The following GRIN2B variants were observed in gnomAD, a reference collection of about 807,000 sequenced individuals.
GRIN2B encodes the protein glutamate receptor ionotropic, NMDA 2B.
A neutral mutation model predicts 114.5 loss-of-function variants in GRIN2B; 5 were observed. That is an observed-to-expected ratio of 0.04 (90% confidence interval 0.02 to 0.09). The LOEUF (loss-of-function observed/expected upper bound fraction) is 0.09. GRIN2B is among the 10% of genes least tolerant of loss of function. The probability of loss-of-function intolerance (pLI) is 1.00; values close to 1 mark genes in which losing one functional copy is unlikely to be tolerated. For synonymous variants in GRIN2B, 787 were observed against 745.1 expected (o/e 1.06, Z -0.92); for missense variants, 1,108 against 1,943.5 (o/e 0.57, Z 8.08).
In GRIN2B at chr12:13,753,887, C is replaced by T; in HGVS notation, c.440G>A (p.Gly147Asp). The T allele has an allele frequency of 6.2e-7, 1 of 1,611,578 alleles. No individual in the cohort carries two copies. The change falls in exon 4 of 14, where the codon GGC becomes GAC. Residue 147 changes from glycine to aspartate, a missense_variant. Coordinates refer to ENST00000609686, the MANE Select transcript of GRIN2B (RefSeq NM_000834.5). This position sits in a 1 kb window ranked among gnomAD's most constrained non-coding sequence, Gnocchi z 6.2. ...KDESSMFFQF[G>D]PSIEQQASVM... ...GGAAGCTTGCTGTTCAATTGATGGG[C>T]CAAACTGGAAGAACATGGAGGATTC...
At chr12:13,709,299 A>C (rs1373257663) in intron 4 of GRIN2B, among the ~76,000 whole-genome samples, 1 of 152,016 alleles carries the variant, frequency 6.6e-6, no homozygotes, top group Non-Finnish European at 1.5e-5. Context: ...AAGAACCATA[A>C]CATGTCGGCT....
chr12:13,859,143 G>C (rs1865711880), intron 3 of GRIN2B, among the ~76,000 whole-genome samples: 1 of 152,160 alleles, frequency 6.6e-6, no homozygotes, highest in South Asian at 2.1e-4. Flanking sequence ...AGATTTTGAG[G>C]CTCAGAGAGT....
chr12:13,644,148 C>T lies in GRIN2B; in HGVS notation c.1126-27491G>A, dbSNP rs1949743032. 2.6e-5 allele frequency among the ~76,000 whole-genome samples: 4 copies of T among 152,138 alleles called. No individual in the cohort carries two copies. In the South Asian group the frequency reaches 8.3e-4, roughly 31 times the overall value. On this transcript the variant is annotated intron_variant, in intron 5 of 13. Coordinates refer to ENST00000609686, the MANE Select transcript of GRIN2B (RefSeq NM_000834.5). Reference sequence around the variant, plus strand: ...GAATCATTACATATGGCAGCTATAGCCTTATGAAATGTATTTCTTAAATAA... The same window carrying T: ...GAATCATTACATATGGCAGCTATAGTCTTATGAAATGTATTTCTTAAATAA...
At chr12:13,652,706 A>T (rs529292824) in intron 5 of GRIN2B, among the ~76,000 whole-genome samples, 2 of 152,282 alleles carry the variant, frequency 1.3e-5, no homozygotes, top group South Asian at 4.1e-4. Context: ...AAGGAGACAC[A>T]AATGGTTCAA....
chr12:13,845,284 C>T (rs1865450461), intron 3 of GRIN2B, among the ~76,000 whole-genome samples: 2 of 152,146 alleles, frequency 1.3e-5, no homozygotes, highest in South Asian at 4.1e-4. Flanking sequence ...CTATATACAG[C>T]CCCAAATGTC....
intron 2 of GRIN2B, among the ~76,000 whole-genome samples, chr12:13,978,034 A>G (rs535935346): frequency 6.6e-6 from 1 of 152,232 alleles, no homozygotes; most frequent in Admixed American, 6.5e-5. Context: ...GTCAAACAGC[A>G]TCCTTGTCAA....
At chr12:13,687,626 C>T (rs760486722) in intron 4 of GRIN2B, among the ~76,000 whole-genome samples, 6 of 152,192 alleles carry the variant, frequency 3.9e-5, no homozygotes, top group Non-Finnish European at 8.8e-5. Context: ...AAGCCAGGTT[C>T]CCCTGTGTCT....
intron 1 of GRIN2B, among the ~76,000 whole-genome samples, chr12:13,980,812 GCCTC>G: frequency 6.6e-6 from 1 of 152,174 alleles, no homozygotes; most frequent in African/African-American, 2.4e-5. Context: ...CAGCAGCGCC[GCCTC>G]CCACCCCGGG....
At chr12:13,597,854 G>T (rs1949095729) in intron 10 of GRIN2B, among the ~76,000 whole-genome samples, 1 of 152,202 alleles carries the variant, frequency 6.6e-6, no homozygotes, top group African/African-American at 2.4e-5. Context: ...TTAATAGTAG[G>T]CTTGGCACAT....
intron 10 of GRIN2B, among the ~76,000 whole-genome samples, chr12:13,579,291 C>T (rs1049979848): frequency 6.6e-6 from 1 of 152,082 alleles, no homozygotes; most frequent in African/African-American, 2.4e-5. Flanking sequence ...GAATTCTGTG[C>T]AAAGGAGTTT....
intron 4 of GRIN2B, among the ~76,000 whole-genome samples, chr12:13,682,953 G>A (rs1340106381): frequency 1.3e-5 from 2 of 152,142 alleles, no homozygotes; most frequent in Non-Finnish European, 2.9e-5. Flanking sequence ...GATATAAGAA[G>A]GTAGAGAACA....
intron 5 of GRIN2B, among the ~76,000 whole-genome samples, chr12:13,649,708 G>A (rs1050067293): frequency 2.6e-5 from 4 of 151,986 alleles, no homozygotes; most frequent in Non-Finnish European, 5.9e-5. Flanking sequence ...TTGGGAAAAT[G>A]TCCCCAGAAG....
intron 3 of GRIN2B, among the ~76,000 whole-genome samples, chr12:13,814,366 T>C (rs1034913692): frequency 6.6e-6 from 1 of 151,946 alleles, no homozygotes; most frequent in Non-Finnish European, 1.5e-5. Flanking sequence ...AAGGAGAGAG[T>C]CGTTAAAAAG....
intron 2 of GRIN2B, among the ~76,000 whole-genome samples, chr12:13,885,837 C>T (rs187416737): frequency 1.1e-4 from 17 of 152,334 alleles, no homozygotes; most frequent in Admixed American, 9.2e-4. Context: ...TAGTTGAGAG[C>T]ACATATCTAA....
chr12:13,862,662 A>T (rs1865768754), intron 3 of GRIN2B, among the ~76,000 whole-genome samples: 1 of 152,108 alleles, frequency 6.6e-6, no homozygotes, highest in African/African-American at 2.4e-5. Context: ...AACTTCTATT[A>T]AAAAAACAAA....
chr12:13,931,501 T>C (rs180997144), intron 2 of GRIN2B, among the ~76,000 whole-genome samples: 6 of 152,284 alleles, frequency 3.9e-5, no homozygotes, highest in Admixed American at 6.5e-5. Flanking sequence ...GATTGATACC[T>C]GACATTTTTT....
chr12:13,689,936 C>T (rs774623617), intron 4 of GRIN2B, among the ~76,000 whole-genome samples: 1 of 152,028 alleles, frequency 6.6e-6, no homozygotes, highest in Non-Finnish European at 1.5e-5. Flanking sequence ...CTACACTTTC[C>T]TATCAATCTG....
intron 4 of GRIN2B, among the ~76,000 whole-genome samples, chr12:13,744,082 C>T (rs1352138119): frequency 6.6e-6 from 1 of 152,206 alleles, no homozygotes; most frequent in African/African-American, 2.4e-5. Context: ...AAGTTTCCCT[C>T]CTTCGCCCAA....
At chr12:13,790,261 C>T (rs1864297958) in intron 3 of GRIN2B, among the ~76,000 whole-genome samples, 1 of 152,146 alleles carries the variant, frequency 6.6e-6, no homozygotes, top group Admixed American at 6.5e-5. Context: ...CCCTCCTTCA[C>T]AGCACCCCAT....
Sources: allele counts gnomAD v4.1 joint callset (sites outside exome capture counted in the v4.1 genomes callset), GRCh38; gene constraint gnomAD v4.1.1; non-coding constraint Gnocchi (gnomAD v3.1); transcripts MANE v1.5; gene names NCBI Gene and HGNC (gene_info 2026-07-23, HGNC 2026-07-21).